USP34: variants seen among roughly 807,000 people sequenced by gnomAD.
The protein encoded by USP34 is ubiquitin specific peptidase 34.
Under a neutral mutation model 460.3 loss-of-function variants are expected in USP34, and 70 were observed. That is an observed-to-expected ratio of 0.15 (90% confidence interval 0.13 to 0.19). The LOEUF (loss-of-function observed/expected upper bound fraction) is 0.19, where lower values mean the gene tolerates loss of function less well. USP34 is among the 10% of genes least tolerant of loss of function. USP34 has a pLI of 1.00. For synonymous variants in USP34, 1,647 were observed against 1,405.3 expected (o/e 1.17, Z -3.85); for missense variants, 3,985 against 4,236.2 (o/e 0.94, Z 1.65).
chr2:61,307,088 G>A (rs1201276262), intron 27 of USP34, among the ~76,000 whole-genome samples: 6 of 152,062 alleles, frequency 3.9e-5, no homozygotes, highest in South Asian at 2.1e-4. Context: ...ATGATAGACT[G>A]GATTAAGAAA....
chr2:61,301,525 G>T, intron 27 of USP34, 71 bp from the exon 28 acceptor site: 1 of 1,352,342 alleles, frequency 7.4e-7, no homozygotes, highest in Non-Finnish European at 1.0e-6. Context: ...AGAATATGTA[G>T]TTGTAGCAAT....
At chr2:61,415,865 T>G (rs1283489378) in intron 2 of USP34, among the ~76,000 whole-genome samples, 1 of 152,226 alleles carries the variant, frequency 6.6e-6, no homozygotes, top group East Asian at 1.9e-4. Flanking sequence ...AAAATGCACT[T>G]ATGTTTTTAA....
intron 10 of USP34, among the ~76,000 whole-genome samples, chr2:61,369,366 C>A (rs1228832866): frequency 6.6e-6 from 1 of 151,976 alleles, no homozygotes; most frequent in Non-Finnish European, 1.5e-5. Context: ...CTCGGGGGGC[C>A]AGGAGTGGTG....
Position 61,266,018 on chromosome 2 carries a change from T to C in USP34, c.5583A>G (p.Leu1861=), listed in dbSNP as rs1558499389. The change falls in exon 42 of 80, where the codon CTA becomes CTG. Residue 1861 remains leucine, a synonymous_variant. Transcript: ENST00000398571. ...GTTGTGCCATAACCCAGTTGTGTAT[T>C]AGCCTGTAGTTCTCAACAGACCCCT... ...MVKGSVENYR[L]IHNWVMAQHM... is the part of the protein sequence containing the mutation. The C allele has an allele frequency of 3.1e-6, 5 of 1,612,416 alleles. No homozygotes were observed. Among genetic ancestry groups the C allele is most frequent in the East Asian group, 2.2e-5 (1 of 44,888 alleles).
chr2:61,265,015 T>C (rs995526700), intron 43 of USP34, among the ~76,000 whole-genome samples: 2 of 152,362 alleles, frequency 1.3e-5, no homozygotes, highest in African/African-American at 4.8e-5. Context: ...TAAGTGATTC[T>C]GGTAATACTT....
At chr2:61,230,599 C>A (rs1426387719) in intron 58 of USP34, among the ~76,000 whole-genome samples, 1 of 152,058 alleles carries the variant, frequency 6.6e-6, no homozygotes, top group Non-Finnish European at 1.5e-5. Context: ...TAACAGCACA[C>A]TGGGAGGCCA....
intron 48 of USP34, chr2:61,249,666 C>T (rs1033948993): frequency 6.5e-6 from 1 of 152,978 alleles, no homozygotes; most frequent in African/African-American, 2.4e-5. Context: ...AGCCCGATGC[C>T]TGGCAGCCAC....
chr2:61,457,150 C>T (rs1001710870), intron 1 of USP34, among the ~76,000 whole-genome samples: 25 of 152,280 alleles, frequency 1.6e-4, no homozygotes, highest in African/African-American at 5.5e-4. Context: ...ATGGCACAGG[C>T]TTATAGTCCC....
chr2:61,344,158 T>A, intron 15 of USP34, 129 bp from the exon 16 acceptor site: 1 of 812,158 alleles, frequency 1.2e-6, no homozygotes, highest in Non-Finnish European at 1.9e-6. Context: ...ATTAACAATA[T>A]GGAATGTTGA....
At chr2:61,413,175 C>T (rs1476266720) in intron 2 of USP34, among the ~76,000 whole-genome samples, 6 of 151,570 alleles carry the variant, frequency 4.0e-5, no homozygotes, top group Admixed American at 3.3e-4. Flanking sequence ...GCGGGCAGAT[C>T]AGGAGGTCAG....
rs1330663915 is a variant in USP34 at position 61,303,440 on chromosome 2, T to G, written c.3818-1986A>C. The stretch of plus-strand genomic sequence containing the variant: ...CCTATTCATCATGTTGCTCACAAAT[T>G]ATAACTGAATAATCTAATAGCGATA... On this transcript the variant is annotated intron_variant, in intron 27 of 79. Transcript: ENST00000398571. Among the ~76,000 whole-genome samples, 3 of 152,160 alleles carry G rather than the reference T, an allele frequency of 2.0e-5. No individual in the cohort carries two copies. The East Asian group carries it at 5.8e-4, about 29-fold the overall frequency.
At chr2:61,463,982 C>A (rs1241718855) in intron 1 of USP34, among the ~76,000 whole-genome samples, 2 of 152,172 alleles carry the variant, frequency 1.3e-5, no homozygotes, top group African/African-American at 4.8e-5. Flanking sequence ...CCTCAAAGAA[C>A]TGATTAAATC....
intron 38 of USP34, among the ~76,000 whole-genome samples, 171 bp downstream of exon 38, chr2:61,280,919 A>T (rs1390724702): frequency 2.0e-5 from 3 of 152,340 alleles, no homozygotes; most frequent in East Asian, 3.9e-4. Flanking sequence ...TAACATGGAC[A>T]CAATGTGTCA....
rs747905638 is a variant in USP34, at chr2:61,348,050, T to A, written c.2105A>T (p.Glu702Val). 29 of 1,614,088 alleles carry A rather than the reference T, an allele frequency of 1.8e-5. No homozygotes were observed. The Admixed American group carries it at 4.7e-4, about 26-fold the overall frequency. ...ATTCATTTCCCCTGAAATATCATGTTCTGGGTCTTCAGAGTGTGAACAAGC... is the reference window on the plus strand; with the variant it reads ...ATTCATTTCCCCTGAAATATCATGTACTGGGTCTTCAGAGTGTGAACAAGC... ...LDACSHSEDP[E>V]HDISGEMNAT... Residue 702 changes from glutamate (E) to valine (V), a missense_variant, in exon 15 of 80, where the codon GAA becomes GTA. Glu to Val is a moderately radical substitution (Grantham distance 121). This residue lies in a region of USP34 where 716 missense variants were observed against 626.2 expected (regional missense o/e 1.14). Transcript: ENST00000398571.
intron 68 of USP34, among the ~76,000 whole-genome samples, chr2:61,212,394 C>G (rs1572839611): frequency 6.6e-6 from 1 of 152,190 alleles, no homozygotes; most frequent in African/African-American, 2.4e-5. Flanking sequence ...CTCCTATCCA[C>G]TTTTTCTTTA....
At chr2:61,305,047 C>T (rs753817708) in intron 27 of USP34, among the ~76,000 whole-genome samples, 7 of 151,998 alleles carry the variant, frequency 4.6e-5, no homozygotes, top group Non-Finnish European at 5.9e-5. Context: ...AGACGTAGGA[C>T]GGGTGTGGTG....
At chr2:61,408,818 G>A (rs1693955858) in intron 2 of USP34, among the ~76,000 whole-genome samples, 1 of 151,854 alleles carries the variant, frequency 6.6e-6, no homozygotes, top group Admixed American at 6.6e-5. Context: ...ACTTGAACTT[G>A]GGAGGCGGAG....
intron 68 of USP34, 115 bp from the exon 69 acceptor site, chr2:61,212,044 A>G: frequency 7.8e-7 from 1 of 1,283,126 alleles, no homozygotes; most frequent in Non-Finnish European, 1.0e-6. Context: ...AAGCTAGATT[A>G]TACTTCCATT....
Position 61,415,119 on chromosome 2 carries a change from A to G in USP34, c.131+5627T>C, listed in dbSNP as rs545079314. The stretch of plus-strand genomic sequence containing the variant: ...GTTTTCCTTTTAATTCTAGGAAGTC[A>G]GCGTGAATTGGCCTTAGGTTCCCTG... On this transcript the variant is annotated intron_variant, in intron 2 of 79. Transcript: ENST00000398571. Among the ~76,000 whole-genome samples the G allele has an allele frequency of 2.0e-5, 3 of 152,274 alleles. No individual in the cohort carries two copies. The East Asian group carries it at 5.8e-4, about 29-fold the overall frequency.
Sources: gnomAD v4.1 joint callset for allele counts (sites outside exome capture counted in the v4.1 genomes callset) on GRCh38, gnomAD v4.1.1 for gene constraint, gnomAD v4.1.1 regional missense constraint, MANE v1.5 for transcripts, NCBI Gene and HGNC (gene_info 2026-07-23, HGNC 2026-07-21) for gene names.